The following KCNMB2 variants were observed in gnomAD, a reference collection of about 807,000 sequenced individuals.
The protein encoded by KCNMB2 is calcium-activated potassium channel subunit beta-2.
In KCNMB2, 9 loss-of-function variants were observed where a neutral mutation model predicts 24.5. The observed-to-expected ratio is 0.37, with a 90% confidence interval of 0.22 to 0.64. KCNMB2 has a LOEUF of 0.64. KCNMB2 is among the 30% of genes least tolerant of loss of function. The pLI is 0.63. For missense variants in KCNMB2, 226 were observed against 284.3 expected, an observed-to-expected ratio of 0.79 and a Z score of 1.47; for synonymous variants, 109 against 104.4, an observed-to-expected ratio of 1.04 and a Z score of -0.27.
At chr3:178,838,816 G>T (rs1715325831) in intron 4 of KCNMB2, among the ~76,000 whole-genome samples, 1 of 152,168 alleles carries the variant, frequency 6.6e-6, no homozygotes, top group Admixed American at 6.5e-5. Flanking sequence ...GCATTGCACA[G>T]AGGTACCAAT....
chr3:178,566,772 AT>A (rs1345604870), intron 1 of KCNMB2, among the ~76,000 whole-genome samples: 2 of 152,204 alleles, frequency 1.3e-5, no homozygotes, highest in African/African-American at 4.8e-5. Flanking sequence ...GCAAAAATTG[AT>A]TTTACTAAGG....
At chr3:178,549,298 T>C (rs1461906138) in intron 1 of KCNMB2, among the ~76,000 whole-genome samples, 10 of 150,070 alleles carry the variant, frequency 6.7e-5, no homozygotes, top group Non-Finnish European at 1.5e-4. Flanking sequence ...TCTTCCTTTT[T>C]CTTTTATTTT....
chr3:178,649,302 T>C (rs1720024097), intron 1 of KCNMB2, among the ~76,000 whole-genome samples: 1 of 152,208 alleles, frequency 6.6e-6, no homozygotes, highest in Non-Finnish European at 1.5e-5. Flanking sequence ...GAGATACTCA[T>C]AAACATCACC....
At chr3:178,624,481 C>A (rs539175734) in intron 1 of KCNMB2, among the ~76,000 whole-genome samples, 1 of 151,874 alleles carries the variant, frequency 6.6e-6, no homozygotes, top group Non-Finnish European at 1.5e-5. Flanking sequence ...CTTGTTGAGA[C>A]AACACATTAT....
intron 2 of KCNMB2, among the ~76,000 whole-genome samples, chr3:178,823,626 C>G (rs900848911): frequency 6.6e-6 from 1 of 152,196 alleles, no homozygotes; most frequent in African/African-American, 2.4e-5. Context: ...CACTCCATCA[C>G]CTCTATAAGG....
chr3:178,655,282 T>C (rs1006543370), intron 1 of KCNMB2, among the ~76,000 whole-genome samples: 6 of 152,192 alleles, frequency 3.9e-5, no homozygotes, highest in Admixed American at 3.9e-4. Context: ...AAGATAATTA[T>C]TGTATTATGT....
chr3:178,697,063 G>A (rs1323724365), intron 1 of KCNMB2, among the ~76,000 whole-genome samples: 1 of 152,156 alleles, frequency 6.6e-6, no homozygotes, highest in Non-Finnish European at 1.5e-5. Flanking sequence ...GTGGTAATAA[G>A]AAGAATGTAT....
chr3:178,669,218 AG>A (rs1473040951), intron 1 of KCNMB2, among the ~76,000 whole-genome samples: 1 of 152,184 alleles, frequency 6.6e-6, no homozygotes, highest in East Asian at 1.9e-4. Context: ...TGTGACCCAC[AG>A]GGGAATTCAG....
At chr3:178,737,525 G>A (rs1457108252) in intron 1 of KCNMB2, among the ~76,000 whole-genome samples, 1 of 152,128 alleles carries the variant, frequency 6.6e-6, no homozygotes, top group Non-Finnish European at 1.5e-5. Context: ...TGAGACTGAG[G>A]AATATCAAAT....
chr3:178,720,046 T>C (rs955290080), intron 1 of KCNMB2, among the ~76,000 whole-genome samples: 6 of 152,224 alleles, frequency 3.9e-5, no homozygotes, highest in East Asian at 3.9e-4. Flanking sequence ...TAGTTACATA[T>C]GTATACATGT....
chr3:178,648,060 C>T (rs1411515788), intron 1 of KCNMB2, among the ~76,000 whole-genome samples: 1 of 152,106 alleles, frequency 6.6e-6, no homozygotes, highest in Non-Finnish European at 1.5e-5. Flanking sequence ...TCATGACACA[C>T]TCTCATCAAG....
chr3:178,641,709 A>C lies in KCNMB2; in HGVS notation c.-68+104998A>C, dbSNP rs1240106106. 5.9e-5 allele frequency among the ~76,000 whole-genome samples: 9 copies of C among 152,236 alleles called. No individual in the cohort carries two copies. In the East Asian group the frequency reaches 1.7e-3, roughly 29 times the overall value. ...TAGGACTTTTGGTACAATGTTGAAC[A>C]GAAGTAGTAAGAGCTAAATTTTTTT... On this transcript the variant is annotated intron_variant, in intron 1 of 4. Transcript: ENST00000452583.
intron 1 of KCNMB2, among the ~76,000 whole-genome samples, chr3:178,675,556 C>A (rs1163731189): frequency 1.3e-5 from 2 of 152,062 alleles, no homozygotes; most frequent in Non-Finnish European, 2.9e-5. Context: ...AAGTTAGCAT[C>A]TGACCACTTT....
At chr3:178,839,913 C>G (rs746790604) in intron 4 of KCNMB2, among the ~76,000 whole-genome samples, 2 of 152,198 alleles carry the variant, frequency 1.3e-5, no homozygotes, top group East Asian at 3.9e-4. Context: ...ATTTCAAAAC[C>G]AATCATGCCT....
chr3:178,654,332 T>C (rs1030676892), intron 1 of KCNMB2, among the ~76,000 whole-genome samples: 2 of 152,088 alleles, frequency 1.3e-5, no homozygotes, highest in Non-Finnish European at 2.9e-5. Flanking sequence ...AACTGAAGGG[T>C]AGTAAAAGCA....
intron 1 of KCNMB2, among the ~76,000 whole-genome samples, chr3:178,687,277 TC>T (rs1186400980): frequency 1.2e-4 from 18 of 152,110 alleles, no homozygotes; most frequent in Admixed American, 1.2e-3. Context: ...CATGAACAAT[TC>T]AAAAAGTCAG....
At chr3:178,799,904 G>A (rs1447431947) in intron 1 of KCNMB2, among the ~76,000 whole-genome samples, 1 of 152,058 alleles carries the variant, frequency 6.6e-6, no homozygotes, top group African/African-American at 2.4e-5. Context: ...TTCAACAAAG[G>A]TAGCAAGAAC....
chr3:178,587,753 T>A (rs1194115949), intron 1 of KCNMB2, among the ~76,000 whole-genome samples: 60 of 147,672 alleles, frequency 4.1e-4, no homozygotes, highest in African/African-American at 1.3e-3. Flanking sequence ...TTTTTTTTTT[T>A]ATACGTTAAG....
intron 1 of KCNMB2, among the ~76,000 whole-genome samples, chr3:178,587,168 T>C (rs1240106413): frequency 6.6e-6 from 1 of 152,202 alleles, no homozygotes; most frequent in Non-Finnish European, 1.5e-5. Flanking sequence ...TATTCCTCTT[T>C]TGTTATTAAA....
Sources: allele counts gnomAD v4.1 joint callset (sites outside exome capture counted in the v4.1 genomes callset), GRCh38; gene constraint gnomAD v4.1.1; transcripts MANE v1.5; gene names NCBI Gene and HGNC (gene_info 2026-07-23, HGNC 2026-07-21).